Variants in NBAS observed in about 807,000 individuals in gnomAD.
NBAS encodes NBAS subunit of NRZ tethering complex.
NBAS carries 219 observed loss-of-function variants against 302.5 expected under a neutral mutation model. That is an observed-to-expected ratio of 0.72 (90% CI 0.65 to 0.81). The LOEUF (loss-of-function observed/expected upper bound fraction) is 0.81. Ranked by LOEUF, NBAS falls within the 30% of genes least tolerant of loss-of-function variation. NBAS has a pLI of 0.00. For synonymous variants in NBAS, 1,118 were observed against 1,021.6 expected (o/e 1.09, Z -1.80); for missense variants, 2,932 against 2,841.6 (o/e 1.03, Z -0.72).
chr2:15,231,893 T>C (rs894184798), intron 47 of NBAS, among the ~76,000 whole-genome samples: 1 of 152,210 alleles, frequency 6.6e-6, no homozygotes. Flanking sequence ...CATTTGTGGT[T>C]GCTCTTTTTC....
In NBAS at chr2:15,179,102, C is replaced by G. The variant is rs757973968; in HGVS notation, c.6726G>C (p.Leu2242=). ...QMLPAEGVKE[L]CLLLLNQSLL... ...GGGACTGGTTAAGCAGCAGCAGACACAGCTCCTTCACACCCTGAAACCACA... is the reference window on the plus strand; with the variant it reads ...GGGACTGGTTAAGCAGCAGCAGACAGAGCTCCTTCACACCCTGAAACCACA... The change falls in exon 51 of 52, where the codon CTG becomes CTC. Residue 2242 remains leucine, a synonymous_variant. Coordinates refer to ENST00000281513, the MANE Select transcript of NBAS (RefSeq NM_015909.4). 3.7e-6 allele frequency: 6 copies of G among 1,614,196 alleles called. No individual in the cohort carries two copies. Among genetic ancestry groups the G allele is most frequent in the Non-Finnish European group, 5.1e-6 (6 of 1,180,034 alleles).
intron 21 of NBAS, among the ~76,000 whole-genome samples, chr2:15,434,242 GAGAT>G (rs1453851951): frequency 6.6e-6 from 1 of 152,142 alleles, no homozygotes. Context: ...CAAAACAAGA[GAGAT>G]AAACAAAACA....
At chr2:15,325,725 C>T (rs1169268290) in intron 38 of NBAS, among the ~76,000 whole-genome samples, 4 of 152,192 alleles carry the variant, frequency 2.6e-5, no homozygotes, top group Non-Finnish European at 5.9e-5. Context: ...TTATCATCTG[C>T]GTGTTCACTG....
At chr2:15,129,610 C>A in the NBAS span, among the ~76,000 whole-genome samples, 3 of 152,200 alleles carry the variant, frequency 2.0e-5, no homozygotes, top group Admixed American at 6.5e-5. Context: ...TCCCTCCCTT[C>A]TTTCGGGGCC....
At chr2:15,062,040 C>T in the NBAS span, among the ~76,000 whole-genome samples, 12 of 152,152 alleles carry the variant, frequency 7.9e-5, no homozygotes, top group Non-Finnish European at 1.8e-4. Context: ...AAAAGGAGAG[C>T]AGCCACAGAA....
At chr2:14,813,267 G>A in the NBAS span, among the ~76,000 whole-genome samples, 14 of 152,176 alleles carry the variant, frequency 9.2e-5, no homozygotes, top group South Asian at 2.1e-4. Context: ...GAGGTTGGAC[G>A]AATTTGGAGG....
At chr2:14,957,715 C>G in the NBAS span, among the ~76,000 whole-genome samples, 1 of 152,194 alleles carries the variant, frequency 6.6e-6, no homozygotes, top group African/African-American at 2.4e-5. Flanking sequence ...CAGCCGTCAG[C>G]CCTGCCTGAG....
At chr2:15,431,972 G>C (rs541734265) in intron 21 of NBAS, among the ~76,000 whole-genome samples, 1 of 151,812 alleles carries the variant, frequency 6.6e-6, no homozygotes, top group Non-Finnish European at 1.5e-5. Context: ...CGTTAGGTAA[G>C]CAGAATGATA....
intron 9 of NBAS, among the ~76,000 whole-genome samples, chr2:15,526,226 T>C (rs974212581): frequency 2.6e-5 from 4 of 152,108 alleles, no homozygotes; most frequent in African/African-American, 7.2e-5. Flanking sequence ...GAGGACAAAA[T>C]ACATTCATTA....
chr2:15,049,774 C>G, the NBAS span, among the ~76,000 whole-genome samples: 3 of 152,210 alleles, frequency 2.0e-5, no homozygotes. Flanking sequence ...GCCAGCCACG[C>G]ACCCTGCCCT....
intron 32 of NBAS, among the ~76,000 whole-genome samples, chr2:15,356,991 G>A (rs1572711301): frequency 6.6e-6 from 1 of 152,294 alleles, no homozygotes; most frequent in South Asian, 2.1e-4. Context: ...CACAACTTCT[G>A]CTATCAGTTG....
chr2:15,321,915 A>C (rs914475390), intron 38 of NBAS, among the ~76,000 whole-genome samples: 3 of 152,220 alleles, frequency 2.0e-5, no homozygotes, highest in Non-Finnish European at 4.4e-5. Flanking sequence ...ATTATAAATC[A>C]TGCTACTATA....
chr2:15,301,583 A>G (rs1325600455), intron 40 of NBAS, among the ~76,000 whole-genome samples: 2 of 152,246 alleles, frequency 1.3e-5, no homozygotes, highest in Non-Finnish European at 2.9e-5. Flanking sequence ...GTCCAAGAAC[A>G]GAACACATCC....
At chr2:15,137,574 A>T in the NBAS span, among the ~76,000 whole-genome samples, 12 of 152,340 alleles carry the variant, frequency 7.9e-5, no homozygotes, top group East Asian at 1.9e-3. Flanking sequence ...CCAAGAAAAC[A>T]TCTGCATTCA....
the NBAS span, among the ~76,000 whole-genome samples, chr2:14,781,979 C>T: frequency 3.3e-5 from 5 of 152,250 alleles, no homozygotes; most frequent in East Asian, 9.7e-4. Context: ...TCTGTCTCTT[C>T]CTCCTCCCCC....
At chr2:15,408,042 T>G (rs1676504507) in intron 25 of NBAS, among the ~76,000 whole-genome samples, 1 of 152,182 alleles carries the variant, frequency 6.6e-6, no homozygotes, top group Non-Finnish European at 1.5e-5. Flanking sequence ...TCTGCTACCT[T>G]TAAGGACTGG....
At chr2:15,128,199 G>A in the NBAS span, among the ~76,000 whole-genome samples, 4 of 152,088 alleles carry the variant, frequency 2.6e-5, no homozygotes, top group African/African-American at 9.7e-5. Context: ...AACTTATTTG[G>A]TCAAAACCTG....
At chr2:15,014,759 C>T in the NBAS span, among the ~76,000 whole-genome samples, 1 of 151,540 alleles carries the variant, frequency 6.6e-6, no homozygotes, top group African/African-American at 2.4e-5. Context: ...AAACCAAACT[C>T]AAAATCAGTA....
At chr2:14,985,085 T>C in the NBAS span, among the ~76,000 whole-genome samples, 2 of 152,158 alleles carry the variant, frequency 1.3e-5, no homozygotes, top group Admixed American at 1.3e-4. Flanking sequence ...TGGAATACTA[T>C]TGTTCAAAGG....
Sources: allele counts gnomAD v4.1 joint callset (sites outside exome capture counted in the v4.1 genomes callset), GRCh38; gene constraint gnomAD v4.1.1; transcripts MANE v1.5; gene names NCBI Gene and HGNC (gene_info 2026-07-23, HGNC 2026-07-21).